The following CACNA1B variants were observed in gnomAD, a reference collection of about 807,000 sequenced individuals.
CACNA1B encodes the protein voltage-dependent N-type calcium channel subunit alpha-1B.
Under a neutral mutation model 247.2 loss-of-function variants are expected in CACNA1B, and 70 were observed. The observed-to-expected ratio is 0.28, with a 90% CI of 0.23 to 0.35. CACNA1B has a LOEUF of 0.35. CACNA1B is among the 10% of genes least tolerant of loss of function. CACNA1B has a pLI of 1.00. For missense variants in CACNA1B, 2,367 were observed against 3,197.4 expected (o/e 0.74, Z 6.26); for synonymous variants, 1,231 against 1,294.4 (o/e 0.95, Z 1.05).
In CACNA1B at chr9:137,973,462, C is replaced by T. The variant is rs925231053; in HGVS notation, c.1543+1870C>T. On this transcript the variant is annotated intron_variant, in intron 11 of 46. Coordinates refer to ENST00000371372, the MANE Select transcript of CACNA1B (RefSeq NM_000718.4). The surrounding 1 kb of genome is among the most constrained non-coding windows in gnomAD (Gnocchi z 4.1). Reference sequence around the variant, plus strand: ...CCAAGGACCTGCCCTCAATGCATTGCCAGAACCTTCAAAATTGAGGCTCGA... The same window carrying T: ...CCAAGGACCTGCCCTCAATGCATTGTCAGAACCTTCAAAATTGAGGCTCGA... 6.6e-6 allele frequency among the ~76,000 whole-genome samples: 1 copy of T among 152,150 alleles called. No homozygotes were observed. Among genetic ancestry groups the T allele is most frequent in the South Asian group, 2.1e-4 (1 of 4,824 alleles).
chr9:138,032,083 T>A (rs1958994027), intron 20 of CACNA1B, among the ~76,000 whole-genome samples: 1 of 152,116 alleles, frequency 6.6e-6, no homozygotes. Context: ...GTTTCCTTTT[T>A]CTCCCTTCCT....
At chr9:137,941,576 G>A (rs1042992853) in intron 6 of CACNA1B, among the ~76,000 whole-genome samples, 4 of 151,996 alleles carry the variant, frequency 2.6e-5, no homozygotes, top group African/African-American at 9.7e-5. Flanking sequence ...AAATTTGGAG[G>A]CATCACATTA....
At chr9:138,009,976 G>T (rs748951380) in intron 16 of CACNA1B, 34 bp from the exon 17 acceptor site, 9 of 1,574,112 alleles carry the variant, frequency 5.7e-6, no homozygotes. Context: ...GCCATGTGGG[G>T]CAGAGGTTCC....
At chr9:138,027,270 TTGTC>T (rs1156624489) in intron 20 of CACNA1B, among the ~76,000 whole-genome samples, 5 of 152,200 alleles carry the variant, frequency 3.3e-5, no homozygotes, top group Admixed American at 2.6e-4. Context: ...AAACAACTGA[TTGTC>T]TGGTCCCTAT....
chr9:137,924,698 T>TCA (rs1238783117), intron 6 of CACNA1B, among the ~76,000 whole-genome samples: 1 of 152,232 alleles, frequency 6.6e-6, no homozygotes, highest in Non-Finnish European at 1.5e-5. Flanking sequence ...TAGATCATGT[T>TCA]TGATTTCTTT....
rs200804118 is a variant in CACNA1B, at chr9:137,955,779, G to A, written c.1152G>A (p.Glu384=). 6.6e-5 allele frequency: 106 copies of A among 1,611,690 alleles called. No individual in the cohort carries two copies. The highest frequency in any genetic ancestry group is 8.5e-5 in the Non-Finnish European group (100 of 1,178,956). Reference sequence around the variant, plus strand: ...GCCGGCAGCAGCAGATCGAGCGAGAGCTCAACGGGTACCTGGAGTGGATCT... The same window carrying A: ...GCCGGCAGCAGCAGATCGAGCGAGAACTCAACGGGTACCTGGAGTGGATCT... ...KLRRQQQIER[E]LNGYLEWIFK... is the part of the protein sequence containing the mutation. Residue 384 remains glutamate, a synonymous_variant, in exon 8 of 47, where the codon GAG becomes GAA. Coordinates refer to ENST00000371372, the MANE Select transcript of CACNA1B (RefSeq NM_000718.4). This position sits in a 1 kb window ranked among gnomAD's most constrained non-coding sequence, Gnocchi z 6.9.
intron 39 of CACNA1B, among the ~76,000 whole-genome samples, chr9:138,110,730 TCAAAA>T (rs1242237916): frequency 3.3e-5 from 5 of 151,924 alleles, no homozygotes; most frequent in African/African-American, 1.2e-4. Flanking sequence ...AGACCCTGTC[TCAAAA>T]CAAAACAAAA....
intron 6 of CACNA1B, among the ~76,000 whole-genome samples, chr9:137,934,195 A>G (rs1231373111): frequency 6.6e-6 from 1 of 152,212 alleles, no homozygotes; most frequent in African/African-American, 2.4e-5. Context: ...TCACAGGTGT[A>G]GTGGCTGATA....
chr9:137,989,142 C>T lies in CACNA1B; in HGVS notation c.1974+2288C>T, dbSNP rs766567437. 4.8e-4 allele frequency among the ~76,000 whole-genome samples: 73 copies of T among 152,152 alleles called. 1 individual carries two copies. The highest frequency in any genetic ancestry group is 9.6e-4 in the Non-Finnish European group (65 of 68,028). On this transcript the variant is annotated intron_variant, in intron 15 of 46. Transcript: ENST00000371372. ...AGAACAAACACAGGTGACTTTAAAC[C>T]GAATATGCCTAACATCCTCCAAGGG...
At chr9:138,060,585 C>T (rs758586208) in intron 31 of CACNA1B, among the ~76,000 whole-genome samples, 36 of 152,332 alleles carry the variant, frequency 2.4e-4, no homozygotes, top group South Asian at 8.3e-4. Context: ...ACCCTCCGCA[C>T]GGCATTAGGC....
At chr9:137,927,053 T>C (rs2133299153) in intron 6 of CACNA1B, among the ~76,000 whole-genome samples, 1 of 152,362 alleles carries the variant, frequency 6.6e-6, no homozygotes, top group South Asian at 2.1e-4. Context: ...CTAGTTTGTC[T>C]GTTTTTTCTT....
rs77515331 is a variant in CACNA1B, at chr9:138,102,138, T to G, written c.5223-573T>G. ...ACTTGCCCCAAGGTTAGGTTTTGGC[T>G]GTACAGCTTCAGGGCTCCCTGTTTA... On this transcript the variant is annotated intron_variant, in intron 37 of 46. Transcript: ENST00000371372. This position sits in a 1 kb window ranked among gnomAD's most constrained non-coding sequence, Gnocchi z 5.4. Among the ~76,000 whole-genome samples, 400 of 152,316 alleles carry G rather than the reference T, an allele frequency of 2.6e-3. 3 individuals are homozygous for G. Among genetic ancestry groups the G allele is most frequent in the Admixed American group, 0.017 (260 of 15,308 alleles).
rs1347213623 is a variant in CACNA1B, at chr9:138,052,310, G to T, written c.3807+122G>T. ...GTGTGTGTTCACATCACACCCCTGT[G>T]TGAGGGGGTTGGGCTCACTCAGCTG... On this transcript the variant is annotated intron_variant, in intron 25 of 46. Transcript: ENST00000371372. This position sits in a 1 kb window ranked among gnomAD's most constrained non-coding sequence, Gnocchi z 5.1. 19 of 629,944 alleles carry T rather than the reference G, an allele frequency of 3.0e-5. No homozygotes were observed. The highest frequency in any genetic ancestry group is 4.8e-5 in the Non-Finnish European group (17 of 350,984). The allele number at this position is 629,944 out of a possible 1,614,324, so 39.0% of individuals were successfully genotyped here.
At chr9:138,038,632 G>C (rs1406640354) in intron 20 of CACNA1B, among the ~76,000 whole-genome samples, 1 of 152,240 alleles carries the variant, frequency 6.6e-6, no homozygotes, top group Non-Finnish European at 1.5e-5. Context: ...GTTCAGATGA[G>C]AGCCCAGAGT....
intron 10 of CACNA1B, among the ~76,000 whole-genome samples, chr9:137,960,091 G>T (rs1957994136): frequency 6.8e-6 from 1 of 147,744 alleles, no homozygotes; most frequent in Admixed American, 6.7e-5. Flanking sequence ...AGGGAAGCCA[G>T]GGGAGGGGAG....
rs1192160020 is a variant in CACNA1B at position 137,881,692 on chromosome 9, A to G, written c.391-1052A>G. On this transcript the variant is annotated intron_variant, in intron 2 of 46. Coordinates refer to ENST00000371372, the MANE Select transcript of CACNA1B (RefSeq NM_000718.4). The surrounding 1 kb of genome is among the most constrained non-coding windows in gnomAD (Gnocchi z 4.3). ...CACAGGGCCTTTCCCTGCCAGCCCC[A>G]CGCGTGTGCTCACGAGGAGTCTTTG... Among the ~76,000 whole-genome samples the G allele has an allele frequency of 6.6e-6, 1 of 152,052 alleles. No individual in the cohort carries two copies. The highest frequency in any genetic ancestry group is 2.4e-5 in the African/African-American group (1 of 41,416).
chr9:137,946,696 A>T (rs1425248139), intron 6 of CACNA1B, among the ~76,000 whole-genome samples: 2 of 152,124 alleles, frequency 1.3e-5, no homozygotes, highest in Non-Finnish European at 2.9e-5. Flanking sequence ...GTCTCTCCGT[A>T]GAGTGGCCCC....
intron 19 of CACNA1B, among the ~76,000 whole-genome samples, chr9:138,024,372 C>G (rs1335774386): frequency 1.3e-5 from 2 of 152,278 alleles, no homozygotes; most frequent in South Asian, 2.1e-4. Context: ...GACCAGCAGT[C>G]GCCAGGTACC....
At chr9:138,062,559 T>C (rs1959765358) in intron 31 of CACNA1B, among the ~76,000 whole-genome samples, 1 of 152,172 alleles carries the variant, frequency 6.6e-6, no homozygotes, top group African/African-American at 2.4e-5. Flanking sequence ...TTTGGTGTCA[T>C]AGACAGCGAT....
Sources: gnomAD v4.1 joint callset for allele counts (sites outside exome capture counted in the v4.1 genomes callset) on GRCh38, gnomAD v4.1.1 for gene constraint, Gnocchi (gnomAD v3.1) non-coding constraint, MANE v1.5 for transcripts, NCBI Gene and HGNC (gene_info 2026-07-23, HGNC 2026-07-21) for gene names.